Variants in FMN1 observed in about 807,000 individuals in gnomAD.
The protein encoded by FMN1 is formin-1.
In FMN1, 110 loss-of-function variants were observed where a neutral mutation model predicts 132.4. The observed-to-expected ratio is 0.83, with a 90% CI of 0.71 to 0.97. FMN1 has a LOEUF of 0.97. FMN1 is among the 50% of genes least tolerant of loss of function. The probability of loss-of-function intolerance (pLI) is 0.00; values close to 1 mark genes in which losing one functional copy is unlikely to be tolerated. For synonymous variants in FMN1, 722 were observed against 651.7 expected (o/e 1.11, Z -1.64); for missense variants, 1,792 against 1,705.3 (o/e 1.05, Z -0.90).
At chr15:32,852,847 A>C (rs2059040625) in intron 17 of FMN1, among the ~76,000 whole-genome samples, 1 of 152,158 alleles carries the variant, frequency 6.6e-6, no homozygotes, top group South Asian at 2.1e-4. Context: ...CTGTCAGACA[A>C]AGTTCAGATT....
At chr15:33,018,678 C>CA (rs2035223231) in intron 6 of FMN1, among the ~76,000 whole-genome samples, 1 of 152,182 alleles carries the variant, frequency 6.6e-6, no homozygotes, top group Non-Finnish European at 1.5e-5. Flanking sequence ...TCACTGACTT[C>CA]AAGAATGAAG....
chr15:33,045,281 TAC>T (rs2036626816), intron 6 of FMN1, among the ~76,000 whole-genome samples: 1 of 152,146 alleles, frequency 6.6e-6, no homozygotes. Context: ...CTCACTTGTT[TAC>T]ACACCCTATG....
intron 3 of FMN1, among the ~76,000 whole-genome samples, chr15:33,167,740 T>C (rs1473098531): frequency 6.6e-6 from 1 of 152,218 alleles, no homozygotes; most frequent in East Asian, 1.9e-4. Context: ...ATTCTTCTAA[T>C]AAAGTAAGCT....
chr15:32,982,748 C>G (rs1359830137), intron 7 of FMN1, among the ~76,000 whole-genome samples: 1 of 152,114 alleles, frequency 6.6e-6, no homozygotes, highest in Non-Finnish European at 1.5e-5. Context: ...GGCCTTCGAA[C>G]TGGGACATAA....
chr15:33,048,644 A>AAAAAAAACAAAAAC lies in FMN1; in HGVS notation c.2161+16312_2161+16313insGTTTTTGTTTTTTT. 3.7e-4 allele frequency among the ~76,000 whole-genome samples: 32 copies of AAAAAAAACAAAAAC among 86,916 alleles called. 3 individuals carry two copies. Among genetic ancestry groups the AAAAAAAACAAAAAC allele is most frequent in the Admixed American group, 6.3e-4 (4 of 6,312 alleles). 57.0% of individuals were successfully genotyped at this position (86,916 alleles called of 152,430 possible). A position where few individuals can be genotyped will look rare whatever the true frequency, so the allele number is the denominator to read the frequency against. ...TGGGCAATTTACCAAAAAAAAAAAA[A>AAAAAAAACAAAAAC]AAAAACCAACAGTTTAATGGACTTA... On this transcript the variant is annotated intron_variant, in intron 6 of 20. Coordinates refer to ENST00000616417, the MANE Select transcript of FMN1 (RefSeq NM_001277313.2).
At chr15:33,113,262 T>C (rs1371880711) in intron 4 of FMN1, among the ~76,000 whole-genome samples, 4 of 152,202 alleles carry the variant, frequency 2.6e-5, no homozygotes, top group Non-Finnish European at 5.9e-5. Flanking sequence ...TGACATGAAT[T>C]CAAACAACTT....
chr15:33,049,478 G>A (rs1162560331), intron 6 of FMN1, among the ~76,000 whole-genome samples: 1 of 152,200 alleles, frequency 6.6e-6, no homozygotes, highest in African/African-American at 2.4e-5. Context: ...TCTGTTTCCA[G>A]GGGGTTTCAA....
At chr15:32,785,254 A>T in intron 19 of FMN1, among the ~76,000 whole-genome samples, 1 of 114,230 alleles carries the variant, frequency 8.8e-6, no homozygotes, top group Non-Finnish European at 1.7e-5. Context: ...ATGAGGTTTC[A>T]CCATGTTGCC....
intron 7 of FMN1, among the ~76,000 whole-genome samples, chr15:32,989,238 C>T (rs368002519): frequency 2.0e-5 from 3 of 152,236 alleles, no homozygotes; most frequent in South Asian, 2.1e-4. Flanking sequence ...AGTTTATGTC[C>T]GTCATGTACA....
chr15:32,902,114 C>A, intron 12 of FMN1, 74 bp from the exon 13 acceptor site: 1 of 1,352,610 alleles, frequency 7.4e-7, no homozygotes. Flanking sequence ...TGAAAAAGAC[C>A]CACTTTGGGA....
chr15:32,776,990 A>C, intron 19 of FMN1, 71 bp from the exon 20 acceptor site: 1 of 936,264 alleles, frequency 1.1e-6, no homozygotes. Flanking sequence ...AAAGAAGAAA[A>C]GAGTTAAGGC....
intron 4 of FMN1, among the ~76,000 whole-genome samples, chr15:33,137,786 A>G (rs1168925026): frequency 6.6e-6 from 1 of 152,178 alleles, no homozygotes; most frequent in Non-Finnish European, 1.5e-5. Flanking sequence ...ACCACCATAC[A>G]GCTTGCCCAA....
At chr15:32,982,486 CAAT>C (rs1382516404) in intron 7 of FMN1, among the ~76,000 whole-genome samples, 2 of 152,154 alleles carry the variant, frequency 1.3e-5, no homozygotes, top group African/African-American at 4.8e-5. Flanking sequence ...GTAGCTTTAT[CAAT>C]AATAGCCTGT....
chr15:33,075,399 C>G (rs1184038887), intron 5 of FMN1, among the ~76,000 whole-genome samples: 1 of 152,150 alleles, frequency 6.6e-6, no homozygotes, highest in Non-Finnish European at 1.5e-5. Context: ...GATATATGCA[C>G]TTGGGCAGAA....
intron 4 of FMN1, among the ~76,000 whole-genome samples, chr15:33,116,629 T>C (rs771767744): frequency 3.0e-4 from 45 of 152,140 alleles, no homozygotes; most frequent in Non-Finnish European, 5.9e-4. Flanking sequence ...TTCTGCTCAT[T>C]ATTTGGCACT....
At chr15:32,974,171 T>C (rs1056994273) in intron 7 of FMN1, among the ~76,000 whole-genome samples, 1 of 152,228 alleles carries the variant, frequency 6.6e-6, no homozygotes, top group Non-Finnish European at 1.5e-5. Context: ...CTCCATTTAT[T>C]TTTAGACCAA....
chr15:32,922,704 T>C (rs1395773205), intron 10 of FMN1, among the ~76,000 whole-genome samples: 2 of 152,124 alleles, frequency 1.3e-5, no homozygotes, highest in Admixed American at 6.5e-5. Context: ...CTCAGAAAAA[T>C]TGAAATGTCA....
At chr15:32,804,138 G>A in intron 18 of FMN1, 143 bp downstream of exon 18, 1 of 636,088 alleles carries the variant, frequency 1.6e-6, no homozygotes, top group South Asian at 2.0e-5. Flanking sequence ...GGGAATTTGT[G>A]TTTAAAGGGT....
In FMN1 at chr15:33,067,992, C is replaced by A. The variant is rs539699656; in HGVS notation, c.2044-2918G>T. The A allele has an allele frequency of 9.5e-6, 14 of 1,471,568 alleles. No homozygotes were observed. The South Asian group carries it at 1.9e-4, about 20-fold the overall frequency. 91.2% of individuals were successfully genotyped at this position (1,471,568 alleles called of 1,614,324 possible). The stretch of plus-strand genomic sequence containing the variant: ...ATTTACAGGACAGAGAGCAACAGGA[C>A]CCGGGAGTCAGGCTGTCAGCCGCAC... On this transcript the variant is annotated intron_variant, in intron 5 of 20. Transcript: ENST00000616417.
Sources: gnomAD v4.1 joint callset for allele counts (sites outside exome capture counted in the v4.1 genomes callset) on GRCh38, gnomAD v4.1.1 for gene constraint, MANE v1.5 for transcripts, NCBI Gene and HGNC (gene_info 2026-07-23, HGNC 2026-07-21) for gene names.